The following BBS4 variants were observed in gnomAD, a reference collection of about 807,000 sequenced individuals.
BBS4 encodes the protein BBSome complex member BBS4.
A neutral mutation model predicts 71.4 loss-of-function variants in BBS4; 58 were observed. That is an observed-to-expected ratio of 0.81 (90% CI 0.66 to 1.01). The LOEUF is 1.01. Ranked by LOEUF, BBS4 falls within the 50% of genes least tolerant of loss-of-function variation. BBS4 has a pLI of 0.00. For missense variants in BBS4, 660 were observed against 607.9 expected (o/e 1.09, Z -0.90); for synonymous variants, 228 against 216.8 (o/e 1.05, Z -0.46).
intron 10 of BBS4, 47 bp downstream of exon 10, chr15:72,729,731 T>C (rs759194044): frequency 6.6e-7 from 1 of 1,521,682 alleles, no homozygotes; most frequent in Admixed American, 1.7e-5. Flanking sequence ...ACGGTCCCAC[T>C]GCTCCTAGAG....
intron 2 of BBS4, among the ~76,000 whole-genome samples, chr15:72,697,830 A>G (rs1170451194): frequency 6.6e-6 from 1 of 152,190 alleles, no homozygotes; most frequent in Non-Finnish European, 1.5e-5. Flanking sequence ...TGTGGAAGGG[A>G]TAAACAGATT....
Position 72,738,361 on chromosome 15 carries a change from C to CAATACACTAT in BBS4, c.*775_*784dup, listed in dbSNP as rs2065970008. The CAATACACTAT allele has an allele frequency of 2.2e-6, 1 of 451,272 alleles. No homozygotes were observed. The highest frequency in any genetic ancestry group is 2.4e-5 in the Admixed American group (1 of 41,916). 28.0% of individuals were successfully genotyped at this position (451,272 alleles called of 1,614,324 possible). ...GTGATAACCACTGACCAGATGCTAT[C>CAATACACTAT]AATACACTATGTGTCCTTTTTAGAA... On this transcript the variant is annotated 3_prime_UTR_variant, in exon 16 of 16. Transcript: ENST00000268057.
intron 3 of BBS4, among the ~76,000 whole-genome samples, 183 bp downstream of exon 3, chr15:72,709,962 T>C (rs2065336007): frequency 6.6e-6 from 1 of 152,154 alleles, no homozygotes; most frequent in Non-Finnish European, 1.5e-5. Context: ...AACCTCAATA[T>C]TTCAGTGGCC....
chr15:72,729,668 A>G lies in BBS4; in HGVS notation c.695A>G (p.Asp232Gly). The stretch of plus-strand genomic sequence containing the variant: ...CATCTTGGCAATGCACTGACTTATG[A>G]CCCTACCAACTACAAGGTATTACAG... ...FEHLGNALTY[D>G]PTNYKAILAA... Residue 232 changes from aspartate (D) to glycine (G), a missense_variant, in exon 10 of 16, where the codon GAC (aspartate) becomes GGC (glycine). Asp to Gly is a moderately conservative substitution (Grantham distance 94, BLOSUM62 -1). Transcript: ENST00000268057. 1 of 1,613,956 alleles carries G rather than the reference A, an allele frequency of 6.2e-7. No individual in the cohort carries two copies. The highest frequency in any genetic ancestry group is 8.5e-7 in the Non-Finnish European group (1 of 1,179,944).
chr15:72,736,549 G>T (rs1049379450), intron 14 of BBS4, among the ~76,000 whole-genome samples: 6 of 152,130 alleles, frequency 3.9e-5, no homozygotes, highest in African/African-American at 1.4e-4. Context: ...CACCAGGCTT[G>T]AATTGTTGGG....
chr15:72,737,068 C>A, intron 15 of BBS4, 105 bp downstream of exon 15: 1 of 1,358,410 alleles, frequency 7.4e-7, no homozygotes, highest in Non-Finnish European at 1.0e-6. Context: ...CTCATATGTC[C>A]AACGTAGTAT....
At chr15:72,729,554 C>A in intron 9 of BBS4, 62 bp from the exon 10 acceptor site, 1 of 1,531,622 alleles carries the variant, frequency 6.5e-7, no homozygotes. Flanking sequence ...CTGGTCTGGC[C>A]AGACTCTTTT....
rs569283929 is a variant in BBS4 at position 72,736,338 on chromosome 15, T to C, written c.1248+372T>C. On this transcript the variant is annotated intron_variant, in intron 14 of 15. Coordinates refer to ENST00000268057, the MANE Select transcript of BBS4 (RefSeq NM_033028.5). ...TTCACTGCAACCTCCGCCTCCTGGG[T>C]TCAAGCAATTCTCCTGCCTCAGCCT... is the stretch of plus-strand genomic sequence containing the variant. Among the ~76,000 whole-genome samples the C allele has an allele frequency of 2.0e-5, 3 of 149,302 alleles. No individual in the cohort carries two copies. The South Asian group carries it at 6.4e-4, about 32-fold the overall frequency.
At chr15:72,704,516 T>G (rs1260566789) in intron 2 of BBS4, 2 of 1,147,906 alleles carry the variant, frequency 1.7e-6, no homozygotes, top group Admixed American at 2.3e-5. Context: ...GATTCATAGA[T>G]TCTAGGGATT....
At chr15:72,733,066 G>C (rs560985412) in intron 12 of BBS4, among the ~76,000 whole-genome samples, 3 of 152,172 alleles carry the variant, frequency 2.0e-5, no homozygotes, top group South Asian at 4.1e-4. Flanking sequence ...GCATACAGAA[G>C]GTACTCTTGT....
intron 2 of BBS4, among the ~76,000 whole-genome samples, chr15:72,703,492 A>T (rs1264534013): frequency 6.6e-6 from 1 of 152,192 alleles, no homozygotes; most frequent in Non-Finnish European, 1.5e-5. Flanking sequence ...CAAATATCCT[A>T]TTGAGGTAGA....
intron 2 of BBS4, among the ~76,000 whole-genome samples, chr15:72,703,743 AT>A (rs1043448843): frequency 1.3e-5 from 2 of 151,926 alleles, no homozygotes; most frequent in Non-Finnish European, 2.9e-5. Flanking sequence ...TTTGATGAGT[AT>A]TTTTTTTAAA....
intron 1 of BBS4, 199 bp downstream of exon 1, chr15:72,686,450 G>T: frequency 6.5e-7 from 1 of 1,532,706 alleles, no homozygotes; most frequent in Non-Finnish European, 8.7e-7. Context: ...AGCAGCACAG[G>T]TCCTGTTCTA....
intron 2 of BBS4, among the ~76,000 whole-genome samples, chr15:72,698,992 A>G (rs2065125895): frequency 6.6e-6 from 1 of 152,186 alleles, no homozygotes; most frequent in Admixed American, 6.5e-5. Flanking sequence ...AAATCTCACT[A>G]TTTCTACTGT....
intron 1 of BBS4, among the ~76,000 whole-genome samples, chr15:72,688,825 C>A (rs1048653244): frequency 2.0e-5 from 3 of 152,172 alleles, no homozygotes; most frequent in African/African-American, 7.2e-5. Context: ...TCCGTAGTGG[C>A]AAAACGCTGG....
chr15:72,695,339 G>A, intron 2 of BBS4, 111 bp downstream of exon 2: 1 of 707,474 alleles, frequency 1.4e-6, no homozygotes, highest in Non-Finnish European at 2.3e-6. Context: ...CCAGGCTGGA[G>A]TGCAGTAGCA....
chr15:72,688,717 A>G (rs1567392852), intron 1 of BBS4, among the ~76,000 whole-genome samples: 1 of 152,112 alleles, frequency 6.6e-6, no homozygotes, highest in Non-Finnish European at 1.5e-5. Context: ...TTTTTAATAC[A>G]ATTAAAAGAA....
chr15:72,705,587 C>CTTTTTTTTTTTT (rs762708438), intron 2 of BBS4, among the ~76,000 whole-genome samples: 1 of 86,862 alleles, frequency 1.2e-5, no homozygotes, highest in Non-Finnish European at 2.1e-5. Context: ...ATGGCTTGTC[C>CTTTTTTTTTTTT]TTTTTTTTTT....
chr15:72,712,729 G>A (rs2065397261), intron 4 of BBS4, among the ~76,000 whole-genome samples: 1 of 152,184 alleles, frequency 6.6e-6, no homozygotes, highest in African/African-American at 2.4e-5. Flanking sequence ...GGGTGAGTTA[G>A]TGGTGAGTGA....
Sources: allele counts gnomAD v4.1 joint callset (sites outside exome capture counted in the v4.1 genomes callset), GRCh38; gene constraint gnomAD v4.1.1; transcripts MANE v1.5; gene names NCBI Gene and HGNC (gene_info 2026-07-23, HGNC 2026-07-21).